Variants in PREX2 observed in about 807,000 individuals in gnomAD.
The protein encoded by PREX2 is phosphatidylinositol 3,4,5-trisphosphate-dependent Rac exchanger 2 protein.
A neutral mutation model predicts 203.2 loss-of-function variants in PREX2; 107 were observed. The observed-to-expected ratio is 0.53, with a 90% confidence interval of 0.45 to 0.62. The LOEUF (loss-of-function observed/expected upper bound fraction) is 0.62. PREX2 is among the 20% of genes least tolerant of loss of function. The probability of loss-of-function intolerance (pLI) is 0.00; values close to 1 mark genes in which losing one functional copy is unlikely to be tolerated. For synonymous variants in PREX2, 672 were observed against 663.6 expected (o/e 1.01, Z -0.19); for missense variants, 1,777 against 1,955.9 (o/e 0.91, Z 1.72).
At chr8:68,194,475 T>A (rs1253530019) in intron 37 of PREX2, among the ~76,000 whole-genome samples, 1 of 151,938 alleles carries the variant, frequency 6.6e-6, no homozygotes, top group East Asian at 1.9e-4. Context: ...GATGGGGGAT[T>A]TCATAAGATA....
At chr8:67,996,992 C>T (rs1473061693) in intron 1 of PREX2, among the ~76,000 whole-genome samples, 1 of 152,182 alleles carries the variant, frequency 6.6e-6, no homozygotes, top group East Asian at 1.9e-4. Flanking sequence ...CTGCAGTCAA[C>T]GTGAGTGAAA....
At chr8:68,151,156 C>T (rs1811425738) in intron 34 of PREX2, among the ~76,000 whole-genome samples, 1 of 151,950 alleles carries the variant, frequency 6.6e-6, no homozygotes, top group East Asian at 1.9e-4. Context: ...TGTGATGGCT[C>T]ACACTTGTAA....
intron 25 of PREX2, among the ~76,000 whole-genome samples, chr8:68,111,603 G>GT (rs1473242374): frequency 6.6e-6 from 1 of 152,118 alleles, no homozygotes. Flanking sequence ...ACCCAACTGA[G>GT]TGTGTTTATT....
chr8:68,129,098 TA>T (rs1472752731), intron 31 of PREX2, among the ~76,000 whole-genome samples: 11 of 152,306 alleles, frequency 7.2e-5, no homozygotes, highest in Admixed American at 5.2e-4. Flanking sequence ...TCCACAGTTT[TA>T]AAGGTGAAGA....
intron 14 of PREX2, 99 bp from the exon 15 acceptor site, chr8:68,077,298 G>T: frequency 1.2e-6 from 1 of 831,378 alleles, no homozygotes; most frequent in Non-Finnish European, 2.1e-6. Context: ...TATAAGCGAA[G>T]CTTTGTCTGA....
intron 25 of PREX2, among the ~76,000 whole-genome samples, chr8:68,112,727 T>G (rs1810559321): frequency 6.6e-6 from 1 of 152,142 alleles, no homozygotes; most frequent in Admixed American, 6.6e-5. Flanking sequence ...GTGTGCAAGT[T>G]AGATGCAGGG....
At chr8:68,004,731 G>A (rs913868476) in intron 1 of PREX2, among the ~76,000 whole-genome samples, 2 of 152,136 alleles carry the variant, frequency 1.3e-5, no homozygotes, top group Non-Finnish European at 2.9e-5. Context: ...TCAGGTATGG[G>A]CATTTGACAT....
intron 1 of PREX2, among the ~76,000 whole-genome samples, chr8:67,997,569 T>C (rs999625772): frequency 1.3e-5 from 2 of 152,172 alleles, no homozygotes; most frequent in South Asian, 4.1e-4. Flanking sequence ...TTCCTTTTTT[T>C]CCCCCAAGAT....
intron 34 of PREX2, among the ~76,000 whole-genome samples, 192 bp downstream of exon 34, chr8:68,146,544 G>A (rs550939224): frequency 6.6e-6 from 1 of 152,212 alleles, no homozygotes; most frequent in African/African-American, 2.4e-5. Flanking sequence ...TACAGTTGCA[G>A]CATTATTTAT....
chr8:68,054,373 A>C (rs1334780347), intron 9 of PREX2, among the ~76,000 whole-genome samples: 1 of 119,026 alleles, frequency 8.4e-6, no homozygotes, highest in Admixed American at 7.9e-5. Context: ...GAAAAAAACA[A>C]AACAAAATAA....
intron 29 of PREX2, 30 bp from the exon 30 acceptor site, chr8:68,120,891 A>G (rs1203948736): frequency 1.2e-6 from 2 of 1,601,996 alleles, no homozygotes; most frequent in Non-Finnish European, 1.7e-6. Context: ...ATTATTTGAG[A>G]CTTAAGAGAG....
intron 32 of PREX2, 42 bp downstream of exon 32, chr8:68,134,318 A>G (rs772744093): frequency 6.9e-7 from 1 of 1,440,198 alleles, no homozygotes; most frequent in Non-Finnish European, 9.8e-7. Flanking sequence ...GTCAACTGTA[A>G]CCTGCACTGT....
intron 25 of PREX2, among the ~76,000 whole-genome samples, chr8:68,110,563 T>C (rs1198898957): frequency 6.6e-6 from 1 of 152,222 alleles, no homozygotes; most frequent in East Asian, 1.9e-4. Flanking sequence ...TGTACTCTCT[T>C]CGTGAAGTTG....
intron 7 of PREX2, among the ~76,000 whole-genome samples, chr8:68,039,360 G>A (rs1808127632): frequency 6.6e-6 from 1 of 152,066 alleles, no homozygotes; most frequent in Non-Finnish European, 1.5e-5. Flanking sequence ...ACTTAGCTGA[G>A]CAATCCTACC....
At chr8:68,171,714 A>G (rs968274614) in intron 35 of PREX2, among the ~76,000 whole-genome samples, 1 of 152,146 alleles carries the variant, frequency 6.6e-6, no homozygotes, top group Admixed American at 6.6e-5. Flanking sequence ...CTGACAACAA[A>G]CAGTATATAG....
At chr8:68,118,516 A>T in intron 26 of PREX2, 34 bp from the exon 27 acceptor site, 1 of 1,437,068 alleles carries the variant, frequency 7.0e-7, no homozygotes. Flanking sequence ...GGGCAGATGC[A>T]CTCTTACAGT....
At chr8:68,044,141 A>G (rs1808273982) in intron 7 of PREX2, among the ~76,000 whole-genome samples, 1 of 152,068 alleles carries the variant, frequency 6.6e-6, no homozygotes, top group South Asian at 2.1e-4. Flanking sequence ...AAGAAACTCA[A>G]ATGAAATTTT....
Position 68,088,941 on chromosome 8 carries a change from G to A in PREX2, c.2113+1132G>A, listed in dbSNP as rs948466008. ...GAGCTTAGTGGTGGGGTTGGCCTAC[G>A]TCTGGTTTCTGTGCTTTTTGCTTCT... On this transcript the variant is annotated intron_variant, in intron 19 of 39. Transcript: ENST00000288368. Among the ~76,000 whole-genome samples the A allele has an allele frequency of 7.2e-5, 11 of 152,286 alleles. No homozygotes were observed. In the East Asian group the frequency reaches 1.7e-3, roughly 24 times the overall value.
intron 8 of PREX2, among the ~76,000 whole-genome samples, chr8:68,051,741 A>G (rs899883865): frequency 6.6e-6 from 1 of 152,152 alleles, no homozygotes; most frequent in Admixed American, 6.5e-5. Context: ...AGTACAAAAA[A>G]TCTTTTTAAA....
Sources: gnomAD v4.1 joint callset for allele counts (sites outside exome capture counted in the v4.1 genomes callset) on GRCh38, gnomAD v4.1.1 for gene constraint, MANE v1.5 for transcripts, NCBI Gene and HGNC (gene_info 2026-07-23, HGNC 2026-07-21) for gene names.